The following C2CD3 variants were observed in gnomAD, a reference collection of about 807,000 sequenced individuals.
The protein encoded by C2CD3 is C2 domain containing 3 centriole elongation regulator.
Under a neutral mutation model 234.0 loss-of-function variants are expected in C2CD3, and 148 were observed. The observed-to-expected ratio is 0.63, with a 90% CI of 0.55 to 0.72. The LOEUF is 0.72. Ranked by LOEUF, C2CD3 falls within the 30% of genes least tolerant of loss-of-function variation. The probability of loss-of-function intolerance (pLI) is 0.00; values close to 1 mark genes in which losing one functional copy is unlikely to be tolerated. For synonymous variants in C2CD3, 1,000 were observed against 1,035.4 expected (o/e 0.97, Z 0.66); for missense variants, 2,577 against 2,811.5 (o/e 0.92, Z 1.89).
chr11:74,033,574 G>A lies in C2CD3; in HGVS notation c.6586C>T (p.Gln2196Ter). 1.3e-6 allele frequency: 2 copies of A among 1,536,164 alleles called. No individual in the cohort carries two copies. The highest frequency in any genetic ancestry group is 1.7e-6 in the Non-Finnish European group (2 of 1,146,922). The change falls in exon 31 of 33, where the codon CAG becomes TAG. Residue 2196 changes from glutamine (Q) to a stop codon, truncating the protein, a stop_gained. Coordinates refer to ENST00000334126, the MANE Select transcript of C2CD3 (RefSeq NM_001286577.2). LOFTEE classifies it high-confidence loss of function. Reference sequence around the variant, plus strand: ...TTGGGCTCCTTGTTCTGATCTGTCTGTGGTGAGCTCCATCCAACAAACGTG... The same window carrying A: ...TTGGGCTCCTTGTTCTGATCTGTCTATGGTGAGCTCCATCCAACAAACGTG... ...SSTFVGWSSP[Q>*]TDQNKEPKSE...
intron 11 of C2CD3, among the ~76,000 whole-genome samples, chr11:74,113,013 A>G (rs1283500974): frequency 2.0e-5 from 3 of 152,264 alleles, no homozygotes; most frequent in African/African-American, 7.2e-5. Context: ...ACATAGCAGC[A>G]TTATGCAAAA....
In C2CD3 at chr11:74,059,335, T is replaced by C. The variant is rs1055299716; in HGVS notation, c.4952-1791A>G. On this transcript the variant is annotated intron_variant, in intron 24 of 32. Coordinates refer to ENST00000334126, the MANE Select transcript of C2CD3 (RefSeq NM_001286577.2). The stretch of plus-strand genomic sequence containing the variant: ...CTGAGGCAGGAGAATGGCGTGAACC[T>C]GGGAGGCGGAGCTTGCAGTGAGCCG... 3.0e-5 allele frequency among the ~76,000 whole-genome samples: 4 copies of C among 133,102 alleles called. No individual in the cohort carries two copies. The Admixed American group carries it at 3.7e-4, about 12-fold the overall frequency. 87.3% of individuals were successfully genotyped at this position (133,102 alleles called of 152,430 possible).
chr11:74,110,805 G>T (rs1392331415), intron 11 of C2CD3, among the ~76,000 whole-genome samples: 1 of 152,164 alleles, frequency 6.6e-6, no homozygotes, highest in Non-Finnish European at 1.5e-5. Flanking sequence ...TCCCAGAGAA[G>T]ATTTTTTTCA....
chr11:74,066,438 A>AAGAG (rs1954543669), intron 24 of C2CD3, among the ~76,000 whole-genome samples: 5 of 151,604 alleles, frequency 3.3e-5, no homozygotes, highest in Admixed American at 3.3e-4. Context: ...AAAAGTCAAA[A>AAGAG]AGAAAGAAAG....
intron 1 of C2CD3, among the ~76,000 whole-genome samples, chr11:74,168,884 T>C (rs542189305): frequency 6.6e-6 from 1 of 152,356 alleles, no homozygotes; most frequent in Non-Finnish European, 1.5e-5. Context: ...GTTAAGAACA[T>C]ACCAACAAAG....
At chr11:74,158,235 G>C (rs1214647124) in intron 3 of C2CD3, among the ~76,000 whole-genome samples, 1 of 152,186 alleles carries the variant, frequency 6.6e-6, no homozygotes, top group Non-Finnish European at 1.5e-5. Flanking sequence ...AATCAACACA[G>C]CAAAGGGACA....
At chr11:74,151,516 G>C (rs1250922717) in intron 3 of C2CD3, among the ~76,000 whole-genome samples, 6 of 151,608 alleles carry the variant, frequency 4.0e-5, no homozygotes, top group African/African-American at 1.5e-4. Context: ...TTGTAGAGAT[G>C]GAGTTTTGCC....
Position 74,122,989 on chromosome 11 carries a change from G to A in C2CD3, c.1364C>T (p.Pro455Leu). The A allele has an allele frequency of 1.2e-6, 2 of 1,612,190 alleles. No individual in the cohort carries two copies. Among genetic ancestry groups the A allele is most frequent in the African/African-American group, 1.3e-5 (1 of 74,974 alleles). ...AATGCTTCAGGTTCAGTGACTTACA[G>A]GTGCTGTATAAAATAAATTCTCCAG... ...SLLENLFYTA[P>L]KSDTSISDFL... Residue 455 changes from proline (P) to leucine (L), a missense_variant and splice_region_variant, in exon 8 of 33, where the codon CCT becomes CTT. Coordinates refer to ENST00000334126, the MANE Select transcript of C2CD3 (RefSeq NM_001286577.2).
At chr11:74,019,185 C>T (rs756131612) in intron 32 of C2CD3, among the ~76,000 whole-genome samples, 13 of 152,194 alleles carry the variant, frequency 8.5e-5, no homozygotes, top group Non-Finnish European at 7.3e-5. Flanking sequence ...TATACTCTTA[C>T]AAGAAGAGCT....
intron 24 of C2CD3, among the ~76,000 whole-genome samples, chr11:74,071,264 A>G (rs826038): frequency 0.044 from 6,726 of 152,272 alleles, 495 homozygotes; most frequent in African/African-American, 0.15. Flanking sequence ...ATCACTTGTT[A>G]TTTAGCCTCT....
At position 74,090,948 on chromosome 11, in the gene C2CD3, G is replaced by A. The variant is rs373749873; in HGVS notation, c.3518-12C>T. Reference sequence around the variant, plus strand: ...CACATCCAGTAAACCTGAAGAATGAGGACACAAGGAAAGAAGGTTGGTCAG... The same window carrying A: ...CACATCCAGTAAACCTGAAGAATGAAGACACAAGGAAAGAAGGTTGGTCAG... On this transcript the variant is annotated splice_polypyrimidine_tract_variant and intron_variant, in intron 19 of 32. Coordinates refer to ENST00000334126, the MANE Select transcript of C2CD3 (RefSeq NM_001286577.2). 1.1e-4 allele frequency: 185 copies of A among 1,612,748 alleles called. No individual in the cohort carries two copies. The African/African-American group carries it at 2.4e-3, about 21-fold the overall frequency.
intron 22 of C2CD3, among the ~76,000 whole-genome samples, chr11:74,084,209 C>T (rs1355687598): frequency 1.3e-5 from 2 of 151,964 alleles, no homozygotes; most frequent in South Asian, 2.1e-4. Context: ...AACTAGACAC[C>T]GCATGTTCTT....
intron 20 of C2CD3, among the ~76,000 whole-genome samples, chr11:74,090,346 C>A (rs944704294): frequency 2.0e-5 from 3 of 152,026 alleles, no homozygotes; most frequent in Non-Finnish European, 4.4e-5. Context: ...CTGACCAACA[C>A]AGTAATGAGG....
intron 3 of C2CD3, among the ~76,000 whole-genome samples, chr11:74,149,529 A>G (rs1177751874): frequency 1.3e-5 from 2 of 151,166 alleles, no homozygotes; most frequent in Non-Finnish European, 2.9e-5. Context: ...TGTTAATTCA[A>G]TTCTGAACTT....
intron 13 of C2CD3, among the ~76,000 whole-genome samples, chr11:74,104,595 T>C (rs759291314): frequency 2.6e-5 from 4 of 151,776 alleles, no homozygotes; most frequent in Middle Eastern, 3.4e-3. Context: ...ATGTGACAAA[T>C]AGTAAGAATT....
intron 24 of C2CD3, among the ~76,000 whole-genome samples, chr11:74,066,396 G>C (rs1188392258): frequency 6.6e-6 from 1 of 151,414 alleles, no homozygotes; most frequent in African/African-American, 2.4e-5. Flanking sequence ...TGCACGTTGT[G>C]CACATGTACC....
At chr11:74,049,586 C>T in intron 26 of C2CD3, 44 bp from the exon 27 acceptor site, 1 of 1,500,866 alleles carries the variant, frequency 6.7e-7, no homozygotes, top group Non-Finnish European at 9.2e-7. Context: ...CTAGGCATGT[C>T]CTGCCACTGA....
intron 3 of C2CD3, among the ~76,000 whole-genome samples, chr11:74,144,617 A>C (rs568787871): frequency 1.2e-4 from 19 of 152,074 alleles, no homozygotes; most frequent in African/African-American, 4.1e-4. Flanking sequence ...CTCCTCCTTC[A>C]AGTAGGTCCC....
chr11:74,084,786 T>C lies in C2CD3; in HGVS notation c.4000+95A>G, dbSNP rs559239026. On this transcript the variant is annotated intron_variant, in intron 22 of 32. Transcript: ENST00000334126. ...ATGTGTTAAGGGGTTGTGTTTTCTTTTGAATATCTTACATGAGAGACAGAG... is the reference window on the plus strand; with the variant it reads ...ATGTGTTAAGGGGTTGTGTTTTCTTCTGAATATCTTACATGAGAGACAGAG... 1.4e-3 allele frequency: 1,050 copies of C among 769,008 alleles called. 15 individuals are homozygous for C. In the Middle Eastern group the frequency reaches 0.016, roughly 12 times the overall value. 47.6% of individuals were successfully genotyped at this position (769,008 alleles called of 1,614,324 possible).
Sources: allele counts gnomAD v4.1 joint callset (sites outside exome capture counted in the v4.1 genomes callset), GRCh38; gene constraint gnomAD v4.1.1; transcripts MANE v1.5; gene names NCBI Gene and HGNC (gene_info 2026-07-23, HGNC 2026-07-21).